CCSER1: variants seen among roughly 807,000 people sequenced by gnomAD.
The protein encoded by CCSER1 is serine-rich coiled-coil domain-containing protein 1.
Under a neutral mutation model 82.0 loss-of-function variants are expected in CCSER1, and 41 were observed. The ratio of observed to expected loss-of-function variants is 0.50; its 90% CI spans 0.39 to 0.65. The LOEUF is 0.65. Ranked by LOEUF, CCSER1 falls within the 30% of genes least tolerant of loss-of-function variation. CCSER1 has a pLI of 0.00. For missense variants in CCSER1, 1,119 were observed against 1,064.2 expected (o/e 1.05, Z -0.72); for synonymous variants, 414 against 383.9 (o/e 1.08, Z -0.92).
intron 5 of CCSER1, among the ~76,000 whole-genome samples, chr4:90,525,126 AAAG>A (rs1225463007): frequency 6.6e-6 from 1 of 152,088 alleles, no homozygotes; most frequent in African/African-American, 2.4e-5. Flanking sequence ...TTTTAAAAAA[AAAG>A]CAAATCTCAT....
rs905782220 is a variant in CCSER1, at chr4:91,601,520, T to A, written c.*2463T>A. On this transcript the variant is annotated 3_prime_UTR_variant, in exon 11 of 11. Transcript: ENST00000509176. Reference sequence around the variant, plus strand: ...TCTTTGTAAGTTCCTCTTGTGTATATATAGTAACTTATAACAATGGCATGT... The same window carrying A: ...TCTTTGTAAGTTCCTCTTGTGTATAAATAGTAACTTATAACAATGGCATGT... 2.0e-5 allele frequency: 3 copies of A among 152,046 alleles called. No homozygotes were observed. The highest frequency in any genetic ancestry group is 2.9e-5 in the Non-Finnish European group (2 of 67,946). 9.4% of individuals were successfully genotyped at this position (152,046 alleles called of 1,614,324 possible). A position where few individuals can be genotyped will look rare whatever the true frequency, so the allele number is the denominator to read the frequency against.
At chr4:91,324,945 C>G (rs1478902465) in intron 10 of CCSER1, among the ~76,000 whole-genome samples, 1 of 152,096 alleles carries the variant, frequency 6.6e-6, no homozygotes, top group Non-Finnish European at 1.5e-5. Flanking sequence ...ATTGTAATCC[C>G]CTAGTGTTGA....
At chr4:90,255,648 T>C (rs574748724) in intron 1 of CCSER1, among the ~76,000 whole-genome samples, 1 of 139,286 alleles carries the variant, frequency 7.2e-6, no homozygotes, top group African/African-American at 3.2e-5. Context: ...TTACAAAAAC[T>C]ACTGATTACA....
intron 5 of CCSER1, among the ~76,000 whole-genome samples, chr4:90,609,058 T>G (rs1397829229): frequency 1.3e-5 from 2 of 152,180 alleles, no homozygotes; most frequent in Admixed American, 6.5e-5. Context: ...GATAGAATCC[T>G]GGATTCCTGT....
In CCSER1 at chr4:90,127,429, C is replaced by A. The variant is rs535915214; in HGVS notation, c.-444C>A. The A allele has an allele frequency of 6.6e-6, 1 of 152,408 alleles. No individual in the cohort carries two copies. The highest frequency in any genetic ancestry group is 1.9e-4 in the East Asian group (1 of 5,158). 9.4% of individuals were successfully genotyped at this position (152,408 alleles called of 1,614,324 possible). Reference sequence around the variant, plus strand: ...AGCGCGGCCTGCCGGGGAGGTGGATCTCGCGCTCCCCACACAGTCACACTC... The same window carrying A: ...AGCGCGGCCTGCCGGGGAGGTGGATATCGCGCTCCCCACACAGTCACACTC... On this transcript the variant is annotated 5_prime_UTR_variant, in exon 1 of 11. Transcript: ENST00000509176.
At chr4:90,940,422 G>T (rs1731455998) in intron 9 of CCSER1, among the ~76,000 whole-genome samples, 1 of 151,566 alleles carries the variant, frequency 6.6e-6, no homozygotes. Context: ...ATTTTCAAGG[G>T]GAAATATTTT....
chr4:91,264,955 A>G (rs1344864272), intron 10 of CCSER1, among the ~76,000 whole-genome samples: 1 of 152,068 alleles, frequency 6.6e-6, no homozygotes, highest in Non-Finnish European at 1.5e-5. Flanking sequence ...TTATTTGTCT[A>G]CATTTGTTTT....
chr4:90,820,135 G>A (rs1265350785), intron 8 of CCSER1, among the ~76,000 whole-genome samples: 1 of 152,184 alleles, frequency 6.6e-6, no homozygotes, highest in South Asian at 2.1e-4. Context: ...GAGGAGAAGA[G>A]TGAGTCAATA....
At chr4:90,767,455 A>G (rs62313019) in intron 7 of CCSER1, among the ~76,000 whole-genome samples, 8,666 of 152,240 alleles carry the variant, frequency 0.057, 358 homozygotes, top group Admixed American at 0.11. Flanking sequence ...CTAGATATCA[A>G]TTGAATTCCA....
intron 10 of CCSER1, among the ~76,000 whole-genome samples, chr4:91,126,158 T>C (rs1727499412): frequency 6.6e-6 from 1 of 151,808 alleles, no homozygotes; most frequent in African/African-American, 2.4e-5. Flanking sequence ...ATAAAAGTAA[T>C]GTCAATTTAT....
At chr4:90,793,570 C>A (rs1295686766) in intron 7 of CCSER1, among the ~76,000 whole-genome samples, 2 of 152,114 alleles carry the variant, frequency 1.3e-5, no homozygotes, top group Non-Finnish European at 2.9e-5. Context: ...ATCCAGTCTG[C>A]CATTGATGGA....
intron 10 of CCSER1, among the ~76,000 whole-genome samples, chr4:91,378,865 C>G (rs1392505723): frequency 6.6e-6 from 1 of 152,110 alleles, no homozygotes; most frequent in African/African-American, 2.4e-5. Flanking sequence ...TTTGCCCATT[C>G]AGTATGATAT....
chr4:90,703,930 T>A (rs1050699008), intron 6 of CCSER1, among the ~76,000 whole-genome samples: 3 of 152,210 alleles, frequency 2.0e-5, no homozygotes, highest in African/African-American at 7.2e-5. Flanking sequence ...TTTATCCAAT[T>A]TGCCATTCTG....
chr4:91,043,314 G>A (rs2150582175), intron 9 of CCSER1, among the ~76,000 whole-genome samples: 1 of 151,968 alleles, frequency 6.6e-6, no homozygotes. Context: ...TCTTTAGAAG[G>A]TTGAAAGTGA....
intron 10 of CCSER1, among the ~76,000 whole-genome samples, chr4:91,141,785 A>C (rs1298345128): frequency 2.0e-5 from 3 of 152,108 alleles, no homozygotes; most frequent in Non-Finnish European, 2.9e-5. Flanking sequence ...AGCCTCACCA[A>C]CAGTTGTTTT....
chr4:90,535,120 T>A (rs779439347), intron 5 of CCSER1, among the ~76,000 whole-genome samples: 20 of 152,170 alleles, frequency 1.3e-4, no homozygotes, highest in Non-Finnish European at 2.2e-4. Flanking sequence ...ACACTGAGAA[T>A]AATTAACTGC....
chr4:91,089,810 A>T (rs926739607), intron 10 of CCSER1, among the ~76,000 whole-genome samples: 1 of 152,136 alleles, frequency 6.6e-6, no homozygotes, highest in Non-Finnish European at 1.5e-5. Flanking sequence ...TACATGTGCC[A>T]GTTTTGTTAT....
At chr4:91,142,318 GT>G (rs1448114061) in intron 10 of CCSER1, among the ~76,000 whole-genome samples, 1 of 152,130 alleles carries the variant, frequency 6.6e-6, no homozygotes, top group Non-Finnish European at 1.5e-5. Context: ...TGCCATGATT[GT>G]GAGGTCTCCC....
chr4:90,526,024 T>A (rs981746501), intron 5 of CCSER1, among the ~76,000 whole-genome samples: 2 of 152,176 alleles, frequency 1.3e-5, no homozygotes, highest in African/African-American at 4.8e-5. Flanking sequence ...AAAAAAATAT[T>A]TTGTTAGTTT....
Sources: allele counts gnomAD v4.1 joint callset (sites outside exome capture counted in the v4.1 genomes callset), GRCh38; gene constraint gnomAD v4.1.1; transcripts MANE v1.5; gene names NCBI Gene and HGNC (gene_info 2026-07-23, HGNC 2026-07-21).